The following EPB41 variants were observed in gnomAD, a reference collection of about 807,000 sequenced individuals.
EPB41 encodes protein 4.1.
EPB41 carries 65 observed loss-of-function variants against 108.0 expected under a neutral mutation model. That is an observed-to-expected ratio of 0.60 (90% CI 0.49 to 0.74). EPB41 has a LOEUF of 0.74. Among genes scored for constraint, EPB41 ranks in the 30% least tolerant of loss-of-function variants. The probability of loss-of-function intolerance (pLI) is 0.00; values close to 1 mark genes in which losing one functional copy is unlikely to be tolerated. For missense variants in EPB41, 875 were observed against 1,037.0 expected (o/e 0.84, Z 2.15); for synonymous variants, 336 against 358.9 (o/e 0.94, Z 0.72).
intron 16 of EPB41, among the ~76,000 whole-genome samples, chr1:29,074,493 C>A (rs1282907409): frequency 6.6e-6 from 1 of 152,188 alleles, no homozygotes; most frequent in Non-Finnish European, 1.5e-5. Context: ...ACTCTCATTT[C>A]TGAAGCTGTT....
chr1:29,039,509 G>T, intron 11 of EPB41, 83 bp downstream of exon 11: 2 of 1,552,530 alleles, frequency 1.3e-6, no homozygotes, highest in Non-Finnish European at 1.8e-6. Flanking sequence ...TAAGAGAACC[G>T]AATTAAAGAA....
In EPB41 at chr1:29,106,564, ATTTTTTTT is replaced by A. The variant is rs1187973613; in HGVS notation, c.2314-2752_2314-2745del. ...CCTCTCAGCCTCCCGAGTAGCTGGG[ATTTTTTTT>A]TTTTTTTTTTTTTTTTTTTGAGATG... is the stretch of plus-strand genomic sequence containing the variant. On this transcript the variant is annotated intron_variant, in intron 17 of 20. Coordinates refer to ENST00000343067, the MANE Select transcript of EPB41 (RefSeq NM_001376013.1). Among the ~76,000 whole-genome samples the A allele has an allele frequency of 2.4e-4, 12 of 50,896 alleles. 1 individual carries two copies. The highest frequency in any genetic ancestry group is 1.0e-3 in the South Asian group (1 of 982). The allele number at this position is 50,896 out of a possible 152,430, so 33.4% of individuals were successfully genotyped here.
chr1:29,008,785 C>T (rs1404658712), intron 4 of EPB41, among the ~76,000 whole-genome samples: 2 of 152,184 alleles, frequency 1.3e-5, no homozygotes. Flanking sequence ...TCCTCTTTGC[C>T]TCTGTGCTCC....
At chr1:29,105,403 A>G (rs1376808587) in intron 17 of EPB41, among the ~76,000 whole-genome samples, 3 of 151,792 alleles carry the variant, frequency 2.0e-5, no homozygotes, top group South Asian at 4.1e-4. Context: ...TCACCTGGCT[A>G]ATTTTTGTAT....
intron 17 of EPB41, among the ~76,000 whole-genome samples, chr1:29,098,537 A>G (rs915468080): frequency 2.0e-5 from 3 of 152,046 alleles, no homozygotes; most frequent in East Asian, 1.9e-4. Context: ...CTGATTGCTT[A>G]TATCCACCCA....
At chr1:29,062,754 G>A (rs752866153) in intron 15 of EPB41, among the ~76,000 whole-genome samples, 1 of 146,072 alleles carries the variant, frequency 6.8e-6, no homozygotes, top group Non-Finnish European at 1.5e-5. Context: ...TAGATCTACC[G>A]CCTCCTCCTC....
chr1:29,060,308 C>A, intron 14 of EPB41, 114 bp from the exon 15 acceptor site: 1 of 828,498 alleles, frequency 1.2e-6, no homozygotes, highest in Non-Finnish European at 2.0e-6. Context: ...ATATGCTGCG[C>A]TGTGGACATT....
intron 1 of EPB41, among the ~76,000 whole-genome samples, chr1:28,926,372 ATTAT>A (rs2093445817): frequency 6.6e-6 from 1 of 152,312 alleles, no homozygotes; most frequent in South Asian, 2.1e-4. Context: ...GTTACCCATT[ATTAT>A]TTTTGCATTT....
chr1:28,914,163 G>T (rs2092404088), upstream of EPB41, among the ~76,000 whole-genome samples: 1 of 152,180 alleles, frequency 6.6e-6, no homozygotes, highest in South Asian at 2.1e-4. Flanking sequence ...CAACCTCTAC[G>T]CGAGTTACTT....
Position 29,065,038 on chromosome 1 carries a change from G to T in EPB41, c.2064G>T (p.Leu688=). 1 of 1,614,112 alleles carries T rather than the reference G, an allele frequency of 6.2e-7. No individual in the cohort carries two copies. Among genetic ancestry groups the T allele is most frequent in the Non-Finnish European group, 8.5e-7 (1 of 1,180,014 alleles). The change falls in exon 16 of 21, where the codon CTG becomes CTT. Residue 688 remains leucine, a synonymous_variant. Coordinates refer to ENST00000343067, the MANE Select transcript of EPB41 (RefSeq NM_001376013.1). ...IKKHHASISE[L]KKNFMESVPE... ...AACATCATGCCAGCATCAGTGAGCT[G>T]AAAAAGAACTTCATGGAGTCTGTAC...
At chr1:28,924,751 A>T (rs1158436893) in intron 1 of EPB41, among the ~76,000 whole-genome samples, 2 of 152,212 alleles carry the variant, frequency 1.3e-5, no homozygotes, top group African/African-American at 4.8e-5. Flanking sequence ...TATCATAAGT[A>T]CATTGGGACA....
chr1:29,105,790 C>G (rs925684410), intron 17 of EPB41, among the ~76,000 whole-genome samples: 1 of 138,474 alleles, frequency 7.2e-6, no homozygotes, highest in Non-Finnish European at 1.5e-5. Flanking sequence ...GCTCTGTTGC[C>G]GAGGCTGGAG....
At chr1:28,944,834 A>G (rs1215740305) in intron 1 of EPB41, among the ~76,000 whole-genome samples, 1 of 151,150 alleles carries the variant, frequency 6.6e-6, no homozygotes, top group Non-Finnish European at 1.5e-5. Context: ...AATGCCTGTA[A>G]TCCTAGCACT....
At chr1:28,955,435 G>A (rs1405914042) in intron 1 of EPB41, among the ~76,000 whole-genome samples, 2 of 151,722 alleles carry the variant, frequency 1.3e-5, no homozygotes, top group Non-Finnish European at 2.9e-5. Flanking sequence ...TCTGTCTCCC[G>A]GGTCCAAGTG....
intron 1 of EPB41, among the ~76,000 whole-genome samples, chr1:28,968,332 C>T (rs1358376613): frequency 3.3e-5 from 5 of 151,912 alleles, no homozygotes; most frequent in Non-Finnish European, 7.4e-5. Flanking sequence ...TCCAGCCTAG[C>T]GATAGAGCAA....
At chr1:28,946,101 C>T (rs185766704) in intron 1 of EPB41, among the ~76,000 whole-genome samples, 42 of 151,802 alleles carry the variant, frequency 2.8e-4, no homozygotes, top group Non-Finnish European at 5.3e-4. Context: ...TATTTGATAA[C>T]GTATACAATT....
In EPB41 at chr1:28,993,594, T is replaced by C. The variant is rs141852619; in HGVS notation, c.681+52T>C. 9.3e-4 allele frequency: 1,428 copies of C among 1,533,630 alleles called. 24 individuals carry two copies. The East Asian group carries it at 0.029, about 31-fold the overall frequency. On this transcript the variant is annotated intron_variant, in intron 3 of 20. Transcript: ENST00000343067. ...CAGAACTCTTACAGGTGGTTTCATC[T>C]AGAGTTGCGTAAGTGGTGATTTTGC...
At chr1:28,923,543 A>C (rs973530201) in intron 1 of EPB41, among the ~76,000 whole-genome samples, 5 of 152,224 alleles carry the variant, frequency 3.3e-5, no homozygotes, top group Non-Finnish European at 7.3e-5. Context: ...ATAATGATTA[A>C]ATAGTAAAGG....
intron 1 of EPB41, among the ~76,000 whole-genome samples, chr1:28,927,497 A>G (rs776233473): frequency 1.1e-4 from 16 of 152,168 alleles, no homozygotes; most frequent in African/African-American, 3.4e-4. Flanking sequence ...ACTTGGCTCT[A>G]TGGTCTTTGT....
Sources: gnomAD v4.1 joint callset for allele counts (sites outside exome capture counted in the v4.1 genomes callset) on GRCh38, gnomAD v4.1.1 for gene constraint, MANE v1.5 for transcripts, NCBI Gene and HGNC (gene_info 2026-07-23, HGNC 2026-07-21) for gene names.